Variants in COL5A3 observed in about 807,000 individuals in gnomAD.
COL5A3 encodes collagen alpha-3(V) chain.
Under a neutral mutation model 250.0 loss-of-function variants are expected in COL5A3, and 172 were observed. The observed-to-expected ratio is 0.69, with a 90% confidence interval of 0.61 to 0.78. The LOEUF (loss-of-function observed/expected upper bound fraction) is 0.78. COL5A3 is among the 30% of genes least tolerant of loss of function. The probability of loss-of-function intolerance (pLI) is 0.00; values close to 1 mark genes in which losing one functional copy is unlikely to be tolerated. For missense variants in COL5A3, 2,340 were observed against 2,334.4 expected, an observed-to-expected ratio of 1.00 and a Z score of -0.05; for synonymous variants, 937 against 900.4, an observed-to-expected ratio of 1.04 and a Z score of -0.73.
chr19:10,010,266 C>T, intron 1 of COL5A3, 32 bp downstream of exon 1: 1 of 1,379,398 alleles, frequency 7.2e-7, no homozygotes, highest in Non-Finnish European at 9.5e-7. Context: ...GAGTCGTGGA[C>T]CCTGGGTCCC....
At position 9,968,227 on chromosome 19, in the gene COL5A3, C is replaced by A; in HGVS notation, c.4315-148G>T. 1 of 1,000,572 alleles carries A rather than the reference C, an allele frequency of 1.0e-6. No homozygotes were observed. The highest frequency in any genetic ancestry group is 1.5e-6 in the Non-Finnish European group (1 of 667,546). The allele number at this position is 1,000,572 out of a possible 1,614,324, so 62.0% of individuals were successfully genotyped here. A position where few individuals can be genotyped will look rare whatever the true frequency, so the allele number is the denominator to read the frequency against. ...CCACAGAGAGACCCCAAACCCCAGA[C>A]GCAGCCTCCAACTTGCCAGTTCCCA... On this transcript the variant is annotated intron_variant, in intron 59 of 66. Coordinates refer to ENST00000264828, the MANE Select transcript of COL5A3 (RefSeq NM_015719.4). This position sits in a 1 kb window ranked among gnomAD's most constrained non-coding sequence, Gnocchi z 4.1.
intron 36 of COL5A3, 38 bp from the exon 37 acceptor site, chr19:9,979,930 C>T: frequency 6.4e-7 from 1 of 1,574,444 alleles, no homozygotes. Flanking sequence ...GGCACAGATA[C>T]AGGGCTTCCT....
chr19:9,962,076 C>T (rs953152395), intron 65 of COL5A3, among the ~76,000 whole-genome samples: 2 of 150,796 alleles, frequency 1.3e-5, no homozygotes, highest in African/African-American at 4.9e-5. Flanking sequence ...TTTTGAAGAG[C>T]TAATCTGAAA....
rs1277469513 is a variant in COL5A3, at chr19:9,968,108, G to A, written c.4315-29C>T. Reference sequence around the variant, plus strand: ...GGAAAAGGACATCGGGTCAGTATTGGTGGGGTACACCCTATTGCCCTGACA... The same window carrying A: ...GGAAAAGGACATCGGGTCAGTATTGATGGGGTACACCCTATTGCCCTGACA... On this transcript the variant is annotated intron_variant, in intron 59 of 66. Transcript: ENST00000264828. This position sits in a 1 kb window ranked among gnomAD's most constrained non-coding sequence, Gnocchi z 4.1. The A allele has an allele frequency of 2.5e-6, 4 of 1,580,278 alleles. No individual in the cohort carries two copies. Among genetic ancestry groups the A allele is most frequent in the South Asian group, 1.2e-5 (1 of 86,172 alleles).
chr19:10,008,138 A>C (rs1362154915), intron 1 of COL5A3, among the ~76,000 whole-genome samples: 1 of 152,042 alleles, frequency 6.6e-6, no homozygotes, highest in East Asian at 1.9e-4. Flanking sequence ...CGGAACAATC[A>C]TCCCAGCTGC....
At chr19:9,966,503 G>A (rs751202808) in intron 63 of COL5A3, 33 bp downstream of exon 63, 5 of 1,552,350 alleles carry the variant, frequency 3.2e-6, no homozygotes, top group African/African-American at 1.4e-5. Flanking sequence ...CCCCCACTCC[G>A]CCCATCCAAG....
In COL5A3 at chr19:9,971,186, G is replaced by A; in HGVS notation, c.3828+19C>T. On this transcript the variant is annotated intron_variant, in intron 52 of 66. Coordinates refer to ENST00000264828, the MANE Select transcript of COL5A3 (RefSeq NM_015719.4). ...AGAATTAGGAAATATGCCAGGATTG[G>A]GGAGGGGGTCACACTCACTGAAACT... 6.5e-7 allele frequency: 1 copy of A among 1,548,474 alleles called. No homozygotes were observed. The highest frequency in any genetic ancestry group is 8.7e-7 in the Non-Finnish European group (1 of 1,153,458).
chr19:9,973,972 C>T lies in COL5A3; in HGVS notation c.3505G>A (p.Gly1169Ser). ...CGAGGACCTGGAGCTCCATGGGGAC[C>T]CTGTGGAAGGTCAGAATTAGTACCC... Reference protein sequence around the residue: ...KGEVGDVGSMGPHGAPGPRGP... With the variant: ...KGEVGDVGSMSPHGAPGPRGP... The change falls in exon 48 of 67, where the codon GGT becomes AGT. Residue 1169 changes from glycine (G) to serine (S), a missense_variant and splice_region_variant. This residue lies in a region of COL5A3 where 1,179 missense variants were observed against 1,162.6 expected (regional missense o/e 1.01). Coordinates refer to ENST00000264828, the MANE Select transcript of COL5A3 (RefSeq NM_015719.4). 6.5e-7 allele frequency: 1 copy of T among 1,535,698 alleles called. No homozygotes were observed.
At chr19:10,004,001 C>T (rs1457076020) in intron 5 of COL5A3, 40 bp downstream of exon 5, 7 of 1,489,832 alleles carry the variant, frequency 4.7e-6, no homozygotes. Flanking sequence ...AGGACCCAGC[C>T]TGTGTCCTGA....
intron 27 of COL5A3, among the ~76,000 whole-genome samples, chr19:9,988,433 A>G (rs1282425792): frequency 6.6e-6 from 1 of 152,174 alleles, no homozygotes; most frequent in African/African-American, 2.4e-5. Flanking sequence ...CTCAGCTTCC[A>G]TATGGATATG....
Position 9,986,771 on chromosome 19 carries a change from A to AAT in COL5A3, c.2146-14_2146-13insAT, listed in dbSNP as rs1433324745. On this transcript the variant is annotated splice_polypyrimidine_tract_variant and intron_variant, in intron 27 of 66. Coordinates refer to ENST00000264828, the MANE Select transcript of COL5A3 (RefSeq NM_015719.4). ...TGCCTGAAGTGCCCTGGAAAATAAA[A>AAT]AAAAAAAGCTCTCAAGCCTCTTCCC... The AAT allele has an allele frequency of 6.2e-7, 1 of 1,612,904 alleles. No individual in the cohort carries two copies. The highest frequency in any genetic ancestry group is 2.2e-5 in the East Asian group (1 of 44,836).
At chr19:10,000,387 C>G (rs558389223) in intron 8 of COL5A3, among the ~76,000 whole-genome samples, 1 of 147,452 alleles carries the variant, frequency 6.8e-6, no homozygotes, top group East Asian at 2.1e-4. Context: ...CTGCAGATTG[C>G]GGGCTTCCCT....
chr19:9,997,530 C>CGGTA, intron 10 of COL5A3, 97 bp from the exon 11 acceptor site: 1 of 727,350 alleles, frequency 1.4e-6, no homozygotes, highest in Non-Finnish European at 2.3e-6. Context: ...GCTGACCTCC[C>CGGTA]TACCCCACTA....
intron 4 of COL5A3, among the ~76,000 whole-genome samples, chr19:10,005,292 G>A (rs977397492): frequency 8.6e-5 from 13 of 151,462 alleles, no homozygotes; most frequent in African/African-American, 3.2e-4. Flanking sequence ...GGAGGTTGCA[G>A]TGAGCTGAGA....
Position 9,967,347 on chromosome 19 carries a change from C to CG in COL5A3, c.4457dup (p.Ala1488CysfsTer69). 2 of 1,438,514 alleles carry CG rather than the reference C, an allele frequency of 1.4e-6. No homozygotes were observed. Among genetic ancestry groups the CG allele is most frequent in the Non-Finnish European group, 9.1e-7 (1 of 1,101,502 alleles). The allele number at this position is 1,438,514 out of a possible 1,614,324, so 89.1% of individuals were successfully genotyped here. On this transcript the variant is annotated frameshift_variant and splice_region_variant, in exon 62 of 67. Coordinates refer to ENST00000264828, the MANE Select transcript of COL5A3 (RefSeq NM_015719.4). LOFTEE classifies it high-confidence loss of function. ...TTCCCCCGCCCCCCGGGGAACTCAC[C>CG]GGGGGGCCTGGTGGGCCTGCAGGTC... is the stretch of plus-strand genomic sequence containing the variant.
intron 6 of COL5A3, 42 bp from the exon 7 acceptor site, chr19:10,001,923 C>A (rs778604182): frequency 7.0e-7 from 1 of 1,426,242 alleles, no homozygotes; most frequent in African/African-American, 1.4e-5. Flanking sequence ...CGGGTGAGGG[C>A]AATCAAGACA....
intron 54 of COL5A3, among the ~76,000 whole-genome samples, chr19:9,970,163 G>GTGAATGGGAGCT (rs1568407208): frequency 1.7e-5 from 2 of 114,780 alleles, no homozygotes; most frequent in South Asian, 3.2e-4. Flanking sequence ...GGGTCTGTGG[G>GTGAATGGGAGCT]GTGAGTGGGG....
intron 64 of COL5A3, among the ~76,000 whole-genome samples, chr19:9,964,611 G>A (rs1347484866): frequency 6.6e-6 from 1 of 151,810 alleles, no homozygotes; most frequent in Non-Finnish European, 1.5e-5. Flanking sequence ...CTGAAAAACA[G>A]ACAAAAATAA....
chr19:9,981,163 A>G (rs1238783921), intron 32 of COL5A3, 31 bp from the exon 33 acceptor site: 4 of 1,610,448 alleles, frequency 2.5e-6, no homozygotes, highest in Middle Eastern at 1.6e-4. Flanking sequence ...AGAAAGCAGA[A>G]GAGAGTTAGG....
Sources: gnomAD v4.1 joint callset for allele counts (sites outside exome capture counted in the v4.1 genomes callset) on GRCh38, gnomAD v4.1.1 for gene constraint, gnomAD v4.1.1 regional missense constraint, Gnocchi (gnomAD v3.1) non-coding constraint, MANE v1.5 for transcripts, NCBI Gene and HGNC (gene_info 2026-07-23, HGNC 2026-07-21) for gene names.